The following RIMS2 variants were observed in gnomAD, a reference collection of about 807,000 sequenced individuals.
RIMS2 encodes the protein regulating synaptic membrane exocytosis protein 2.
A neutral mutation model predicts 174.4 loss-of-function variants in RIMS2; 59 were observed. The ratio of observed to expected loss-of-function variants is 0.34; its 90% CI spans 0.27 to 0.42. The LOEUF (loss-of-function observed/expected upper bound fraction) is 0.42. Among genes scored for constraint, RIMS2 ranks in the 10% least tolerant of loss-of-function variants. The probability of loss-of-function intolerance (pLI) is 1.00; values close to 1 mark genes in which losing one functional copy is unlikely to be tolerated. For synonymous variants in RIMS2, 606 were observed against 572.5 expected, an observed-to-expected ratio of 1.06 and a Z score of -0.84; for missense variants, 1,620 against 1,666.3, an observed-to-expected ratio of 0.97 and a Z score of 0.48.
At chr8:104,106,457 T>C (rs1177857062) in intron 19 of RIMS2, among the ~76,000 whole-genome samples, 2 of 138,840 alleles carry the variant, frequency 1.4e-5, no homozygotes, top group Non-Finnish European at 3.1e-5. Flanking sequence ...TTGATTAATA[T>C]ATTCAACTTT....
chr8:103,791,031 G>A (rs1026354632), intron 3 of RIMS2, among the ~76,000 whole-genome samples: 4 of 152,142 alleles, frequency 2.6e-5, no homozygotes, highest in African/African-American at 9.7e-5. Flanking sequence ...TCCCAACCTA[G>A]CAAGGCAGGC....
chr8:103,898,537 A>AT lies in RIMS2; in HGVS notation c.1625-11591dup, dbSNP rs996419286. ...ATTGAGTTTATAGTAGTCCACTGTCATTTTTTAGGATGTATCAATGCACCT... is the reference window on the plus strand; with the variant it reads ...ATTGAGTTTATAGTAGTCCACTGTCATTTTTTTAGGATGTATCAATGCACCT... On this transcript the variant is annotated intron_variant, in intron 4 of 23. Coordinates refer to ENST00000504942, the Ensembl canonical transcript of RIMS2. Among the ~76,000 whole-genome samples the AT allele has an allele frequency of 7.0e-4, 106 of 151,612 alleles. 1 individual carries two copies. The highest frequency in any genetic ancestry group is 2.4e-3 in the African/African-American group (100 of 41,018).
intron 2 of RIMS2, among the ~76,000 whole-genome samples, chr8:103,708,670 A>G (rs1236732956): frequency 6.6e-6 from 1 of 152,110 alleles, no homozygotes; most frequent in Admixed American, 6.6e-5. Flanking sequence ...CACTGTTTCC[A>G]TTGAGAAATA....
chr8:104,240,192 A>T (rs4339610), intron 19 of RIMS2, among the ~76,000 whole-genome samples: 14,112 of 152,248 alleles, frequency 0.093, 827 homozygotes, highest in African/African-American at 0.16. Context: ...TAAGCACCCT[A>T]TCTTTAGGTC....
intron 1 of RIMS2, among the ~76,000 whole-genome samples, chr8:103,562,879 G>T (rs894483236): frequency 6.6e-6 from 1 of 152,124 alleles, no homozygotes; most frequent in Non-Finnish European, 1.5e-5. Context: ...GCACCCGCAG[G>T]CTCAACACCA....
intron 1 of RIMS2, among the ~76,000 whole-genome samples, chr8:103,525,977 A>G (rs912184050): frequency 6.6e-6 from 1 of 152,212 alleles, no homozygotes; most frequent in Non-Finnish European, 1.5e-5. Context: ...CCTGGAGAAG[A>G]AGGAAACCCA....
At chr8:103,578,937 C>A (rs796436144) in intron 1 of RIMS2, among the ~76,000 whole-genome samples, 23 of 151,768 alleles carry the variant, frequency 1.5e-4, no homozygotes, top group African/African-American at 5.1e-4. Flanking sequence ...TTGCACTGAG[C>A]TGAGAATGCA....
intron 1 of RIMS2, among the ~76,000 whole-genome samples, chr8:103,671,982 G>A (rs2096750358): frequency 6.6e-6 from 1 of 152,074 alleles, no homozygotes; most frequent in Non-Finnish European, 1.5e-5. Flanking sequence ...GTCACAAAAA[G>A]ACAACTTTTA....
chr8:103,806,374 T>C (rs933695281), intron 3 of RIMS2, among the ~76,000 whole-genome samples: 1 of 152,100 alleles, frequency 6.6e-6, no homozygotes, highest in East Asian at 1.9e-4. Flanking sequence ...ACATTTTAAA[T>C]GAGAGTTCCA....
chr8:104,237,689 G>A (rs911134635), intron 19 of RIMS2, among the ~76,000 whole-genome samples: 1 of 152,010 alleles, frequency 6.6e-6, no homozygotes, highest in Non-Finnish European at 1.5e-5. Flanking sequence ...TCATGTTAAA[G>A]TCCGAAACAA....
intron 1 of RIMS2, among the ~76,000 whole-genome samples, chr8:103,671,731 ATAACT>A (rs1349741048): frequency 6.6e-6 from 1 of 152,250 alleles, no homozygotes; most frequent in Non-Finnish European, 1.5e-5. Flanking sequence ...GTGGCCTATA[ATAACT>A]TAACATAATA....
chr8:103,555,981 A>G (rs1260499500), intron 1 of RIMS2, among the ~76,000 whole-genome samples: 1 of 152,144 alleles, frequency 6.6e-6, no homozygotes, highest in Admixed American at 6.6e-5. Context: ...TGTGGAATCT[A>G]AAGAAGTTGA....
exon 4 of RIMS2, chr8:103,885,621 G>A (rs1459469823): frequency 2.5e-6 from 4 of 1,613,034 alleles, no homozygotes; most frequent in South Asian, 1.1e-5. Flanking sequence ...AATTTGGCCC[G>A]TTATCCAGTA....
intron 1 of RIMS2, among the ~76,000 whole-genome samples, chr8:103,557,331 C>G (rs1271735686): frequency 6.6e-6 from 1 of 152,198 alleles, no homozygotes; most frequent in Non-Finnish European, 1.5e-5. Context: ...CAAGGCTCTT[C>G]TGAACTGCCA....
At chr8:103,936,314 A>T (rs1028554071) in intron 12 of RIMS2, among the ~76,000 whole-genome samples, 1 of 152,154 alleles carries the variant, frequency 6.6e-6, no homozygotes, top group African/African-American at 2.4e-5. Context: ...ATAATATGTC[A>T]TGGAAAAAAT....
intron 18 of RIMS2, 80 bp from the exon 21 acceptor site, chr8:104,014,426 G>T: frequency 1.3e-6 from 1 of 748,132 alleles, no homozygotes; most frequent in Non-Finnish European, 2.2e-6. Flanking sequence ...TATTTATACA[G>T]CTATCATATG....
Position 104,109,296 on chromosome 8 carries a change from CAA to C in RIMS2, c.3334+94701_3334+94702del, listed in dbSNP as rs1170353786. Among the ~76,000 whole-genome samples the C allele has an allele frequency of 2.0e-4, 10 of 50,218 alleles. No individual in the cohort carries two copies. The South Asian group carries it at 4.0e-3, about 20-fold the overall frequency. The allele number at this position is 50,218 out of a possible 152,430, so 32.9% of individuals were successfully genotyped here. On this transcript the variant is annotated intron_variant, in intron 19 of 23. Transcript: ENST00000504942. ...TGGGCGACAGAGTGAGACTCTGTCT[CAA>C]AAAAAAAAAAAAAAAAAAAGAAATA...
chr8:104,182,292 C>T (rs527312771), intron 19 of RIMS2, among the ~76,000 whole-genome samples: 38 of 151,720 alleles, frequency 2.5e-4, no homozygotes, highest in Admixed American at 8.6e-4. Flanking sequence ...TAATCTGTCA[C>T]GGAAATATAA....
At chr8:103,984,067 G>C (rs904743124) in intron 16 of RIMS2, among the ~76,000 whole-genome samples, 3 of 152,048 alleles carry the variant, frequency 2.0e-5, no homozygotes, top group Non-Finnish European at 2.9e-5. Flanking sequence ...CCAGCTACTC[G>C]GAAGGCTGAG....
Sources: gnomAD v4.1 joint callset for allele counts (sites outside exome capture counted in the v4.1 genomes callset) on GRCh38, gnomAD v4.1.1 for gene constraint, MANE v1.5 for transcripts, NCBI Gene and HGNC (gene_info 2026-07-23, HGNC 2026-07-21) for gene names.